The following SMC3 variants were observed in gnomAD, a reference collection of about 807,000 sequenced individuals.
The protein encoded by SMC3 is structural maintenance of chromosomes 3.
Under a neutral mutation model 171.8 loss-of-function variants are expected in SMC3, and 20 were observed. The observed-to-expected ratio is 0.12, with a 90% CI of 0.08 to 0.17. The LOEUF is 0.17. Ranked by LOEUF, SMC3 falls within the 10% of genes least tolerant of loss-of-function variation. The pLI is 1.00. For synonymous variants in SMC3, 464 were observed against 451.1 expected (o/e 1.03, Z -0.36); for missense variants, 543 against 1,420.4 (o/e 0.38, Z 9.93).
chr10:110,571,834 C>T (rs1403745008), intron 2 of SMC3, among the ~76,000 whole-genome samples: 1 of 151,712 alleles, frequency 6.6e-6, no homozygotes, highest in East Asian at 1.9e-4. Flanking sequence ...AAAATGGGTT[C>T]ATCATATAAC....
In SMC3 at chr10:110,605,132, A is replaced by G. The variant is rs945130242; in HGVS notation, c.*830A>G. ...CGAAGTATTCTCATTACCTCATATA[A>G]TAGTACATATTATTAACATGTTTTA... On this transcript the variant is annotated 3_prime_UTR_variant, in exon 29 of 29. Transcript: ENST00000361804. Among the ~76,000 whole-genome samples, 6 of 152,212 alleles carry G rather than the reference A, an allele frequency of 3.9e-5. No individual in the cohort carries two copies. The highest frequency in any genetic ancestry group is 1.2e-4 in the African/African-American group (5 of 41,450).
chr10:110,597,609 G>A (rs1186528756), intron 19 of SMC3, among the ~76,000 whole-genome samples: 1 of 152,188 alleles, frequency 6.6e-6, no homozygotes, highest in Admixed American at 6.5e-5. Context: ...GCACTTTAAA[G>A]AACTGCCTGA....
intron 13 of SMC3, among the ~76,000 whole-genome samples, chr10:110,585,591 ATT>A (rs919841893): frequency 6.9e-6 from 1 of 144,996 alleles, no homozygotes. Context: ...GCCCGGTGTA[ATT>A]TTTTTTTTTT....
rs11380915 is a variant in SMC3 at position 110,582,548 on chromosome 10, G to GT, written c.724-6dup. 85,920 of 1,590,282 alleles carry GT rather than the reference G, an allele frequency of 0.054. 3,871 individuals carry two copies. Among genetic ancestry groups the GT allele is most frequent in the African/African-American group, 0.25 (18,397 of 74,170 alleles). On this transcript the variant is annotated splice_polypyrimidine_tract_variant and intron_variant, in intron 9 of 28. Transcript: ENST00000361804. ...CAAAATGAGTTAGATATGATAAGTT[G>GT]TTTTTTTTCTTAGCTTTCTGCTAAG...
chr10:110,593,716 G>GCT (rs1206200608), intron 18 of SMC3, among the ~76,000 whole-genome samples: 1 of 151,280 alleles, frequency 6.6e-6, no homozygotes, highest in Non-Finnish European at 1.5e-5. Flanking sequence ...GGGCATGGTG[G>GCT]CTCACATCTA....
intron 19 of SMC3, among the ~76,000 whole-genome samples, chr10:110,597,133 G>A (rs1380545866): frequency 1.0e-5 from 1 of 99,958 alleles, no homozygotes; most frequent in African/African-American, 3.6e-5. Flanking sequence ...GACAAAGTGG[G>A]ACCCTGTCTC....
chr10:110,591,109 G>C lies in SMC3; in HGVS notation c.1789G>C (p.Asp597His). Residue 597 changes from aspartate (D) to histidine (H), a missense_variant, in exon 17 of 29, where the codon GAT becomes CAT. Asp to His is a moderately conservative substitution (Grantham distance 81, BLOSUM62 -1). Coordinates refer to ENST00000361804, the MANE Select transcript of SMC3 (RefSeq NM_005445.4). The part of the protein sequence containing the change: ...FLPLNKLDVR[D>H]TAYPETNDAI... ...GCCTCTTAACAAGTTAGATGTCAGG[G>C]ATACAGCCTATCCTGAAACCAATGT... 1 of 1,613,814 alleles carries C rather than the reference G, an allele frequency of 6.2e-7. No homozygotes were observed.
chr10:110,580,999 C>T lies in SMC3; in HGVS notation c.525C>T (p.Ser175=), dbSNP rs992321344. The T allele has an allele frequency of 6.3e-7, 1 of 1,577,168 alleles. No homozygotes were observed. The highest frequency in any genetic ancestry group is 8.7e-7 in the Non-Finnish European group (1 of 1,146,364). ...TGTATGACGAACGAAAGGAAGAAAG[C>T]ATCTCCTTAATGAAAGAAACAGGTA... ...TRVYDERKEE[S]ISLMKETEGK... The change falls in exon 8 of 29, where the codon AGC becomes AGT. Residue 175 remains serine (S), a synonymous_variant. Transcript: ENST00000361804.
At chr10:110,583,129 G>A (rs1443904282) in intron 10 of SMC3, among the ~76,000 whole-genome samples, 3 of 151,866 alleles carry the variant, frequency 2.0e-5, no homozygotes, top group Non-Finnish European at 4.4e-5. Context: ...TGGGTTCAAG[G>A]AGTCCTCCCA....
chr10:110,570,394 A>G (rs1860852428), intron 2 of SMC3, among the ~76,000 whole-genome samples: 1 of 148,702 alleles, frequency 6.7e-6, no homozygotes, highest in Non-Finnish European at 1.5e-5. Context: ...TCGATTTATC[A>G]ATAGCAGCCT....
chr10:110,600,985 C>T (rs1215022272), intron 22 of SMC3, 37 bp from the exon 23 acceptor site: 1 of 1,481,234 alleles, frequency 6.8e-7, no homozygotes, highest in Non-Finnish European at 9.4e-7. Context: ...GCAGTCATAA[C>T]ATTTGAAACT....
At chr10:110,577,626 CAATG>C (rs1413627504) in intron 5 of SMC3, 134 bp downstream of exon 5, 42 of 729,034 alleles carry the variant, frequency 5.8e-5, no homozygotes, top group Non-Finnish European at 8.8e-5. Context: ...CTTAAAATGA[CAATG>C]AATACTCTGT....
In SMC3 at chr10:110,604,365, A is replaced by G; in HGVS notation, c.*63A>G. The G allele has an allele frequency of 8.3e-7, 1 of 1,207,584 alleles. No homozygotes were observed. The highest frequency in any genetic ancestry group is 1.2e-6 in the Non-Finnish European group (1 of 813,112). 74.8% of individuals were successfully genotyped at this position (1,207,584 alleles called of 1,614,324 possible). A position where few individuals can be genotyped will look rare whatever the true frequency, so the allele number is the denominator to read the frequency against. On this transcript the variant is annotated 3_prime_UTR_variant, in exon 29 of 29. Transcript: ENST00000361804. ...AGTAATATGATTCTCATACCCAGGA[A>G]CTGTAAATTTAAACCTAAATATTTG...
At chr10:110,582,356 TTGTAG>T in intron 9 of SMC3, among the ~76,000 whole-genome samples, 1 of 13,152 alleles carries the variant, frequency 7.6e-5, no homozygotes, top group Non-Finnish European at 5.8e-4. Context: ...TGAAGGCTTC[TTGTAG>T]TTGTAGTATA....
chr10:110,576,239 T>C (rs1860947173), intron 4 of SMC3, among the ~76,000 whole-genome samples: 1 of 152,230 alleles, frequency 6.6e-6, no homozygotes, highest in Admixed American at 6.5e-5. Context: ...ATACTCAAAT[T>C]ATGGTTTCTA....
intron 13 of SMC3, among the ~76,000 whole-genome samples, chr10:110,586,660 T>C (rs1196368453): frequency 6.6e-6 from 1 of 152,188 alleles, no homozygotes; most frequent in Non-Finnish European, 1.5e-5. Context: ...GATTTTGTTA[T>C]GTAAATAGCC....
chr10:110,586,983 AT>A (rs1861128979), intron 13 of SMC3, among the ~76,000 whole-genome samples: 1 of 152,150 alleles, frequency 6.6e-6, no homozygotes, highest in South Asian at 2.1e-4. Context: ...TCTTGGTATA[AT>A]CCTAAATTAA....
chr10:110,601,156 G>T (rs372452588), intron 23 of SMC3, 26 bp downstream of exon 23: 1 of 1,502,352 alleles, frequency 6.7e-7, no homozygotes, highest in African/African-American at 1.4e-5. Flanking sequence ...GTAAAATTTT[G>T]TTTATATGCA....
In SMC3 at chr10:110,589,628, A is replaced by G; in HGVS notation, c.1329A>G (p.Glu443=). The change falls in exon 14 of 29, where the codon GAA becomes GAG. Residue 443 remains glutamate (E), a synonymous_variant. Coordinates refer to ENST00000361804, the MANE Select transcript of SMC3 (RefSeq NM_005445.4). Reference sequence around the variant, plus strand: ...AGAAACTGGACCAGGATCTTAATGAAGTCAAAGCTCGAGTAGAAGAACTGG... The same window carrying G: ...AGAAACTGGACCAGGATCTTAATGAGGTCAAAGCTCGAGTAGAAGAACTGG... ...QYNKLDQDLN[E]VKARVEELDR... The G allele has an allele frequency of 6.2e-7, 1 of 1,608,754 alleles. No homozygotes were observed. The highest frequency in any genetic ancestry group is 8.5e-7 in the Non-Finnish European group (1 of 1,175,528).
Sources: gnomAD v4.1 joint callset for allele counts (sites outside exome capture counted in the v4.1 genomes callset) on GRCh38, gnomAD v4.1.1 for gene constraint, MANE v1.5 for transcripts, NCBI Gene and HGNC (gene_info 2026-07-23, HGNC 2026-07-21) for gene names.